POLR3C: variants seen among roughly 807,000 people sequenced by gnomAD.
POLR3C encodes the protein DNA-directed RNA polymerase III subunit RPC3.
POLR3C carries 44 observed loss-of-function variants against 65.9 expected under a neutral mutation model. The observed-to-expected ratio is 0.67, with a 90% CI of 0.52 to 0.86. POLR3C has a LOEUF of 0.86. Among genes scored for constraint, POLR3C ranks in the 40% least tolerant of loss-of-function variants. The probability of loss-of-function intolerance (pLI) is 0.00; values close to 1 mark genes in which losing one functional copy is unlikely to be tolerated. For missense variants in POLR3C, 576 were observed against 653.2 expected (o/e 0.88, Z 1.29); for synonymous variants, 263 against 231.6 (o/e 1.14, Z -1.23).
At chr1:145,836,119 C>CTTT (rs77530377) in intron 7 of POLR3C, among the ~76,000 whole-genome samples, 5 of 133,204 alleles carry the variant, frequency 3.8e-5, no homozygotes, top group Non-Finnish European at 6.6e-5. Flanking sequence ...AAAATTAAAA[C>CTTT]TTTTTTTTTT....
In POLR3C at chr1:145,828,771, A is replaced by G. The variant is rs782385046; in HGVS notation, c.612A>G (p.Ser204=). The G allele has an allele frequency of 5.6e-6, 9 of 1,609,142 alleles. No homozygotes were observed. The highest frequency in any genetic ancestry group is 1.7e-5 in the Admixed American group (1 of 59,972). Residue 204 remains serine (S), a synonymous_variant, in exon 5 of 15, where the codon TCA becomes TCG. Coordinates refer to ENST00000334163, the MANE Select transcript of POLR3C (RefSeq NM_006468.8). ...CAGGGAAAGGTAAAAGGAGGAGATC[A>G]TCTGATGAAGATGCTGCTGGGGAGC... is the stretch of plus-strand genomic sequence containing the variant. ...SLIGKGKRRR[S]SDEDAAGEPK... is the part of the protein sequence containing the mutation.
intron 1 of POLR3C, among the ~76,000 whole-genome samples, chr1:145,825,073 T>A (rs1247280986): frequency 6.6e-6 from 1 of 152,134 alleles, no homozygotes; most frequent in Non-Finnish European, 1.5e-5. Context: ...TTTTTCAGCT[T>A]GCTTCTGTCA....
chr1:145,825,428 A>G (rs587600448), intron 1 of POLR3C, among the ~76,000 whole-genome samples: 34 of 152,318 alleles, frequency 2.2e-4, no homozygotes, highest in Admixed American at 4.6e-4. Context: ...ATAATTTTCT[A>G]CATGAATACG....
intron 7 of POLR3C, among the ~76,000 whole-genome samples, chr1:145,835,634 G>A (rs955752195): frequency 1.6e-4 from 25 of 151,722 alleles, no homozygotes; most frequent in Admixed American, 1.2e-3. Flanking sequence ...GAGTGCAGTA[G>A]CGCAATCTCA....
Position 145,824,210 on chromosome 1 carries a change from G to C in POLR3C, c.-180G>C, listed in dbSNP as rs377048191. ...CCGAAACTCTGGGGTAGAGTGGCAC[G>C]CGCTTTTTGCTTTTCCGCGTCTTCT... On this transcript the variant is annotated 5_prime_UTR_variant, in exon 1 of 15. Transcript: ENST00000334163. The C allele has an allele frequency of 1.5e-4, 45 of 306,462 alleles. No homozygotes were observed. In the South Asian group the frequency reaches 1.5e-3, roughly 10 times the overall value. The allele number at this position is 306,462 out of a possible 1,614,324, so 19.0% of individuals were successfully genotyped here. A position where few individuals can be genotyped will look rare whatever the true frequency, so the allele number is the denominator to read the frequency against.
At chr1:145,839,641 G>A in intron 11 of POLR3C, 1 of 396,578 alleles carries the variant, frequency 2.5e-6, no homozygotes, top group Admixed American at 4.1e-5. Flanking sequence ...ACTGAGGTGG[G>A]AGGATTGCTT....
chr1:145,837,860 G>A (rs1651979267), intron 10 of POLR3C, among the ~76,000 whole-genome samples, 196 bp from the exon 11 acceptor site: 1 of 152,162 alleles, frequency 6.6e-6, no homozygotes, highest in African/African-American at 2.4e-5. Context: ...GTCAGCAGTT[G>A]GTGACTGCCT....
intron 5 of POLR3C, among the ~76,000 whole-genome samples, chr1:145,829,897 T>A (rs1651154253): frequency 6.6e-6 from 1 of 152,212 alleles, no homozygotes; most frequent in Non-Finnish European, 1.5e-5. Flanking sequence ...CTACCACATT[T>A]CTCATTTCAT....
At chr1:145,838,637 A>G (rs1652049414) in intron 11 of POLR3C, among the ~76,000 whole-genome samples, 1 of 152,152 alleles carries the variant, frequency 6.6e-6, no homozygotes, top group Non-Finnish European at 1.5e-5. Context: ...CAGTGAGCCG[A>G]GATCAAGCCA....
At chr1:145,835,761 A>G (rs997089980) in intron 7 of POLR3C, among the ~76,000 whole-genome samples, 18 of 152,046 alleles carry the variant, frequency 1.2e-4, no homozygotes, top group African/African-American at 3.4e-4. Context: ...TTTAGTAGAG[A>G]CAGGGTTTCA....
chr1:145,843,543 T>C lies in POLR3C; in HGVS notation c.*1123T>C, dbSNP rs1652446232. 6.6e-6 allele frequency among the ~76,000 whole-genome samples: 1 copy of C among 152,184 alleles called. No individual in the cohort carries two copies. The highest frequency in any genetic ancestry group is 1.5e-5 in the Non-Finnish European group (1 of 68,028). ...GTCACCATCATTTACTAAGCACCTG[T>C]TTTGTGCTAAGTACTGGGGTAAGCC... On this transcript the variant is annotated 3_prime_UTR_variant, in exon 15 of 15. Transcript: ENST00000334163.
chr1:145,831,129 T>C (rs986699153), intron 5 of POLR3C, among the ~76,000 whole-genome samples: 1 of 149,808 alleles, frequency 6.7e-6, no homozygotes. Flanking sequence ...TTGGTTATAG[T>C]GTAGTTACCT....
At chr1:145,836,941 A>T in intron 9 of POLR3C, 75 bp downstream of exon 9, 1 of 751,726 alleles carries the variant, frequency 1.3e-6, no homozygotes, top group Non-Finnish European at 2.3e-6. Context: ...GGAAAGAAAG[A>T]TTTGGTAATG....
intron 10 of POLR3C, 135 bp from the exon 11 acceptor site, chr1:145,837,921 G>A (rs138211746): frequency 6.5e-6 from 5 of 766,788 alleles, no homozygotes; most frequent in South Asian, 1.8e-5. Flanking sequence ...CTATGGAGCT[G>A]TAGAATAATT....
rs782075004 is a variant in POLR3C, at chr1:145,833,557, T to C, written c.851T>C (p.Phe284Ser). 6.2e-7 allele frequency: 1 copy of C among 1,611,034 alleles called. No homozygotes were observed. Residue 284 changes from phenylalanine to serine, a missense_variant, in exon 7 of 15, where the codon TTC becomes TCC. Transcript: ENST00000334163. Reference protein sequence around the residue: ...SEITTSSSAPFTQPLSSNEIF... With the variant: ...SEITTSSSAPSTQPLSSNEIF... Reference sequence around the variant, plus strand: ...ATTACCACTTCCTCTAGTGCTCCCTTCACCCAGCCATTGTCTTCCAATGAG... The same window carrying C: ...ATTACCACTTCCTCTAGTGCTCCCTCCACCCAGCCATTGTCTTCCAATGAG...
At chr1:145,838,722 G>A (rs1383771236) in intron 11 of POLR3C, among the ~76,000 whole-genome samples, 2 of 151,928 alleles carry the variant, frequency 1.3e-5, no homozygotes, top group Admixed American at 1.3e-4. Context: ...AAAAGAGGCA[G>A]AGCCAGGACA....
chr1:145,834,525 A>T (rs1651627769), intron 7 of POLR3C, among the ~76,000 whole-genome samples: 1 of 151,518 alleles, frequency 6.6e-6, no homozygotes. Context: ...AAAAAAAAAA[A>T]TTAGCCGGGC....
intron 11 of POLR3C, 52 bp from the exon 12 acceptor site, chr1:145,839,838 C>G (rs1553729885): frequency 1.0e-6 from 1 of 986,820 alleles, no homozygotes; most frequent in Admixed American, 1.8e-5. Context: ...TGTGCTTTGC[C>G]AGTTCTAAAA....
intron 10 of POLR3C, 38 bp from the exon 11 acceptor site, chr1:145,838,018 A>G (rs782689115): frequency 4.4e-6 from 7 of 1,602,986 alleles, no homozygotes; most frequent in African/African-American, 2.7e-5. Context: ...AAGCTGATCT[A>G]TGTTAGCATG....
Sources: gnomAD v4.1 joint callset for allele counts (sites outside exome capture counted in the v4.1 genomes callset) on GRCh38, gnomAD v4.1.1 for gene constraint, MANE v1.5 for transcripts, NCBI Gene and HGNC (gene_info 2026-07-23, HGNC 2026-07-21) for gene names.